TUBGCP3: variants seen among roughly 807,000 people sequenced by gnomAD.
The protein encoded by TUBGCP3 is tubulin gamma complex component 3.
Under a neutral mutation model 123.1 loss-of-function variants are expected in TUBGCP3, and 50 were observed. The observed-to-expected ratio is 0.41, with a 90% confidence interval of 0.32 to 0.51. The LOEUF (loss-of-function observed/expected upper bound fraction) is 0.51, where lower values mean the gene tolerates loss of function less well. Among genes scored for constraint, TUBGCP3 ranks in the 20% least tolerant of loss-of-function variants. TUBGCP3 has a pLI of 0.36. For missense variants in TUBGCP3, 882 were observed against 1,127.0 expected (o/e 0.78, Z 3.11); for synonymous variants, 405 against 413.9 (o/e 0.98, Z 0.26).
chr13:112,588,394 T>TGGTGTGTG (rs1882784838), upstream of TUBGCP3, among the ~76,000 whole-genome samples: 1 of 152,124 alleles, frequency 6.6e-6, no homozygotes, highest in African/African-American at 2.4e-5. Flanking sequence ...GGCCATAATT[T>TGGTGTGTG]GGTGTGTGGG....
At chr13:112,598,292 T>C in the TUBGCP3 span, among the ~76,000 whole-genome samples, 39 of 151,444 alleles carry the variant, frequency 2.6e-4, no homozygotes, top group African/African-American at 9.2e-4. Flanking sequence ...TTATAGTAAA[T>C]GAAACACTAA....
intron 19 of TUBGCP3, among the ~76,000 whole-genome samples, chr13:112,500,454 A>T (rs2139217332): frequency 6.6e-6 from 1 of 152,362 alleles, no homozygotes; most frequent in East Asian, 1.9e-4. Flanking sequence ...GACTGTGTGA[A>T]ATGAAAGAAA....
chr13:112,515,416 AG>A (rs1876029659), intron 17 of TUBGCP3, among the ~76,000 whole-genome samples: 2 of 152,218 alleles, frequency 1.3e-5, no homozygotes, highest in Admixed American at 1.3e-4. Flanking sequence ...GGAGAAGTGC[AG>A]GCAAGTACAC....
chr13:112,515,557 G>A (rs1041908882), intron 17 of TUBGCP3, among the ~76,000 whole-genome samples: 2 of 152,270 alleles, frequency 1.3e-5, no homozygotes, highest in Admixed American at 6.5e-5. Context: ...CCCTCCTCCC[G>A]CCTCCCGTCC....
rs780641247 is a variant in TUBGCP3 at position 112,489,740 on chromosome 13, A to G, written c.2449-43T>C. 3.9e-6 allele frequency: 6 copies of G among 1,528,658 alleles called. No homozygotes were observed. In the Admixed American group the frequency reaches 1.0e-4, roughly 26 times the overall value. The allele number at this position is 1,528,658 out of a possible 1,614,324, so 94.7% of individuals were successfully genotyped here. A position where few individuals can be genotyped will look rare whatever the true frequency, so the allele number is the denominator to read the frequency against. The stretch of plus-strand genomic sequence containing the variant: ...CCAAATGTCAGTAAAATCACGATGG[A>G]AAACAGATTACAGAGTAGGGCTGAA... On this transcript the variant is annotated intron_variant, in intron 20 of 21. Coordinates refer to ENST00000261965, the MANE Select transcript of TUBGCP3 (RefSeq NM_006322.6).
intron 16 of TUBGCP3, among the ~76,000 whole-genome samples, chr13:112,517,490 G>A (rs970620986): frequency 6.6e-6 from 1 of 152,208 alleles, no homozygotes; most frequent in Non-Finnish European, 1.5e-5. Flanking sequence ...CTCAGACTCT[G>A]TGAAATAATC....
chr13:112,493,838 G>C (rs140928456), intron 20 of TUBGCP3, among the ~76,000 whole-genome samples: 1 of 142,000 alleles, frequency 7.0e-6, no homozygotes, highest in Admixed American at 7.1e-5. Flanking sequence ...TCCCTCAGAC[G>C]CTCTAGCTAT....
chr13:112,489,094 G>A (rs1294266904), intron 21 of TUBGCP3, among the ~76,000 whole-genome samples: 1 of 139,082 alleles, frequency 7.2e-6, no homozygotes, highest in Non-Finnish European at 1.5e-5. Context: ...CCACCACAGT[G>A]GAGCACAGGG....
Position 112,569,072 on chromosome 13 carries a change from T to C in TUBGCP3, c.184+80A>G, listed in dbSNP as rs191468785. The C allele has an allele frequency of 3.0e-6, 4 of 1,327,948 alleles. No individual in the cohort carries two copies. In the East Asian group the frequency reaches 7.1e-5, roughly 23 times the overall value. The allele number at this position is 1,327,948 out of a possible 1,614,324, so 82.3% of individuals were successfully genotyped here. A position where few individuals can be genotyped will look rare whatever the true frequency, so the allele number is the denominator to read the frequency against. ...TGCGCTTGGGAACTACATACACACCTACACACATGCATACATACATCTGCT... is the reference window on the plus strand; with the variant it reads ...TGCGCTTGGGAACTACATACACACCCACACACATGCATACATACATCTGCT... On this transcript the variant is annotated intron_variant, in intron 2 of 21. Transcript: ENST00000261965.
chr13:112,516,856 C>T (rs902273397), intron 16 of TUBGCP3, among the ~76,000 whole-genome samples: 1 of 152,128 alleles, frequency 6.6e-6, no homozygotes, highest in African/African-American at 2.4e-5. Context: ...TACAACTCCC[C>T]CCAACCCGCC....
At chr13:112,582,148 A>G (rs1472601419) in intron 1 of TUBGCP3, among the ~76,000 whole-genome samples, 3 of 152,244 alleles carry the variant, frequency 2.0e-5, no homozygotes, top group South Asian at 2.1e-4. Context: ...TGAACCTGCA[A>G]TCAAAGAATA....
intron 17 of TUBGCP3, among the ~76,000 whole-genome samples, chr13:112,505,221 A>C (rs1183439612): frequency 3.9e-5 from 6 of 152,192 alleles, no homozygotes; most frequent in Non-Finnish European, 7.3e-5. Context: ...ATCCTTTAGG[A>C]GATCACACAG....
chr13:112,552,168 A>G (rs1315823276), intron 8 of TUBGCP3, among the ~76,000 whole-genome samples: 2 of 152,238 alleles, frequency 1.3e-5, no homozygotes, highest in African/African-American at 2.4e-5. Context: ...ATAAAACATA[A>G]TATGATACTA....
intron 17 of TUBGCP3, among the ~76,000 whole-genome samples, chr13:112,514,239 A>T (rs1282631198): frequency 6.6e-6 from 1 of 151,712 alleles, no homozygotes; most frequent in Non-Finnish European, 1.5e-5. Context: ...ACATATGGGG[A>T]AAAGCAGTAT....
chr13:112,571,726 A>G (rs1881409645), intron 1 of TUBGCP3, among the ~76,000 whole-genome samples: 1 of 152,202 alleles, frequency 6.6e-6, no homozygotes, highest in Admixed American at 6.5e-5. Context: ...TTTCACTTAC[A>G]CTGAAAATCT....
chr13:112,586,235 T>C lies in TUBGCP3; in HGVS notation c.76+1670A>G, dbSNP rs997209287. Among the ~76,000 whole-genome samples the C allele has an allele frequency of 2.6e-5, 4 of 151,028 alleles. No individual in the cohort carries two copies. The East Asian group carries it at 7.8e-4, about 29-fold the overall frequency. ...AGCCTGGGCGACCAGAGTGAGACTC[T>C]GTCTCAAAAAAAAAAAAAAGTTCTT... On this transcript the variant is annotated intron_variant, in intron 1 of 21. Coordinates refer to ENST00000261965, the MANE Select transcript of TUBGCP3 (RefSeq NM_006322.6).
At chr13:112,514,302 G>A (rs1026547993) in intron 17 of TUBGCP3, among the ~76,000 whole-genome samples, 1 of 146,414 alleles carries the variant, frequency 6.8e-6, no homozygotes, top group African/African-American at 2.5e-5. Context: ...GTGGGGGGGA[G>A]GGTCTTAGAA....
At position 112,508,479 on chromosome 13, in the gene TUBGCP3, C is replaced by T; in HGVS notation, c.2087-3765G>A. 6.6e-6 allele frequency among the ~76,000 whole-genome samples: 1 copy of T among 152,148 alleles called. No homozygotes were observed. The highest frequency in any genetic ancestry group is 1.9e-4 in the East Asian group (1 of 5,184). On this transcript the variant is annotated intron_variant, in intron 17 of 21. Transcript: ENST00000261965. This position sits in a 1 kb window ranked among gnomAD's most constrained non-coding sequence, Gnocchi z 4.2. ...TCGTGCACCACGACAGACAGGTCTA[C>T]AGCCCCCACCCCAACCCCATCTTCC...
intron 3 of TUBGCP3, 86 bp downstream of exon 3, chr13:112,565,025 T>C: frequency 8.4e-7 from 1 of 1,195,158 alleles, no homozygotes; most frequent in Non-Finnish European, 1.2e-6. Flanking sequence ...TTTAATATGA[T>C]ACCACAAAAA....
Sources: gnomAD v4.1 joint callset for allele counts (sites outside exome capture counted in the v4.1 genomes callset) on GRCh38, gnomAD v4.1.1 for gene constraint, Gnocchi (gnomAD v3.1) non-coding constraint, MANE v1.5 for transcripts, NCBI Gene and HGNC (gene_info 2026-07-23, HGNC 2026-07-21) for gene names.